The following SCOC variants were observed in gnomAD, a reference collection of about 807,000 sequenced individuals.
The protein encoded by SCOC is short coiled-coil protein, also known as short coiled coil protein.
In SCOC, 7 loss-of-function variants were observed where a neutral mutation model predicts 9.9. The ratio of observed to expected loss-of-function variants is 0.71; its 90% CI spans 0.40 to 1.33. The LOEUF (loss-of-function observed/expected upper bound fraction) is 1.33, where lower values mean the gene tolerates loss of function less well. Among genes scored for constraint, SCOC ranks in the 40% most tolerant of loss-of-function variants. SCOC has a pLI of 0.01. For missense variants in SCOC, 66 were observed against 89.7 expected, an observed-to-expected ratio of 0.74 and a Z score of 1.07; for synonymous variants, 19 against 28.2, an observed-to-expected ratio of 0.67 and a Z score of 1.03.
intron 2 of SCOC, among the ~76,000 whole-genome samples, chr4:140,362,299 C>CTTCTTCTTT (rs367795160): frequency 2.6e-5 from 1 of 38,346 alleles, no homozygotes; most frequent in South Asian, 6.9e-4. Context: ...TCTTCTTCTT[C>CTTCTTCTTT]TTTTTTTTTT....
intron 2 of SCOC, among the ~76,000 whole-genome samples, chr4:140,365,989 T>C (rs991638731): frequency 1.3e-5 from 2 of 152,092 alleles, no homozygotes; most frequent in African/African-American, 4.8e-5. Context: ...GGGTCAACTG[T>C]AGGGTAACAT....
chr4:140,266,009 G>A (rs181182517), intron 1 of SCOC, among the ~76,000 whole-genome samples: 67 of 152,298 alleles, frequency 4.4e-4, no homozygotes, highest in Non-Finnish European at 1.0e-4. Context: ...TGTCTCCCCA[G>A]CTGAACCATG....
intron 2 of SCOC, among the ~76,000 whole-genome samples, chr4:140,344,265 T>A (rs1726622708): frequency 6.6e-6 from 1 of 152,164 alleles, no homozygotes; most frequent in African/African-American, 2.4e-5. Context: ...AGTGCTGAAT[T>A]GCACAATGTT....
chr4:140,344,203 T>C (rs1726618846), intron 2 of SCOC, among the ~76,000 whole-genome samples: 1 of 152,198 alleles, frequency 6.6e-6, no homozygotes, highest in South Asian at 2.1e-4. Context: ...AGTTCTAAAA[T>C]GCTGATGGAA....
At chr4:140,286,610 G>C (rs1731276188) in intron 1 of SCOC, among the ~76,000 whole-genome samples, 1 of 152,258 alleles carries the variant, frequency 6.6e-6, no homozygotes, top group South Asian at 2.1e-4. Flanking sequence ...TTGGAGCCCA[G>C]ACTGGGCGGC....
At chr4:140,326,703 TC>T (rs1732659841) in intron 1 of SCOC, among the ~76,000 whole-genome samples, 3 of 152,182 alleles carry the variant, frequency 2.0e-5, no homozygotes, top group Non-Finnish European at 2.9e-5. Flanking sequence ...AATGCTAAAG[TC>T]TTTTATTATC....
At chr4:140,268,027 T>TTACTTGAC (rs1274806544) in intron 1 of SCOC, among the ~76,000 whole-genome samples, 1 of 152,230 alleles carries the variant, frequency 6.6e-6, no homozygotes, top group Non-Finnish European at 1.5e-5. Flanking sequence ...AGTATGTGGC[T>TTACTTGAC]TACTTGACCC....
intron 1 of SCOC, among the ~76,000 whole-genome samples, chr4:140,314,774 A>G (rs1732262662): frequency 6.6e-6 from 1 of 152,110 alleles, no homozygotes; most frequent in Non-Finnish European, 1.5e-5. Flanking sequence ...GTGGGGAGCA[A>G]TGAGAAGTTG....
At chr4:140,373,390 T>A, upstream of SCOC, 1 of 1,459,964 alleles carries the variant, frequency 6.8e-7, no homozygotes. Flanking sequence ...GCCGCTTAGC[T>A]TCGCTTCTTT....
At chr4:140,357,265 C>T (rs962984069) in intron 2 of SCOC, among the ~76,000 whole-genome samples, 2 of 152,166 alleles carry the variant, frequency 1.3e-5, no homozygotes, top group Non-Finnish European at 2.9e-5. Context: ...TGAGCCACTG[C>T]ACCCAGCCTT....
rs116808652 is a variant in SCOC, at chr4:140,306,611, C to T, written c.-18-37010C>T. Among the ~76,000 whole-genome samples, 567 of 151,976 alleles carry T rather than the reference C, an allele frequency of 3.7e-3. 5 individuals carry two copies. The highest frequency in any genetic ancestry group is 8.4e-3 in the African/African-American group (347 of 41,418). ...GACAACACTGGAGGCCTGGTGTGAC[C>T]ACAGGGGAAATGTGGACACTGCCAG... On this transcript the variant is annotated intron_variant, in intron 1 of 4. Transcript: ENST00000394205.
upstream of SCOC, among the ~76,000 whole-genome samples, chr4:140,369,660 C>A (rs1455603441): frequency 3.3e-5 from 5 of 151,998 alleles, no homozygotes; most frequent in African/African-American, 4.8e-5. Flanking sequence ...TAATATATTG[C>A]CTTGTACAGT....
intron 1 of SCOC, among the ~76,000 whole-genome samples, chr4:140,296,332 AG>A (rs1426446484): frequency 6.6e-6 from 1 of 152,240 alleles, no homozygotes; most frequent in Non-Finnish European, 1.5e-5. Flanking sequence ...GAAGGCAGAA[AG>A]CCTGAAAATA....
At chr4:140,344,521 T>C (rs1238531869) in intron 2 of SCOC, among the ~76,000 whole-genome samples, 1 of 152,184 alleles carries the variant, frequency 6.6e-6, no homozygotes, top group Non-Finnish European at 1.5e-5. Flanking sequence ...AATGCTTAGA[T>C]TCAAAAAGCG....
intron 1 of SCOC, among the ~76,000 whole-genome samples, chr4:140,302,793 C>A (rs530955238): frequency 4.8e-4 from 73 of 152,208 alleles, no homozygotes; most frequent in African/African-American, 1.7e-3. Context: ...GTGTTGTAAG[C>A]CAGTAACAAA....
intron 3 of SCOC, among the ~76,000 whole-genome samples, chr4:140,380,002 A>AT (rs933770259): frequency 2.6e-5 from 4 of 152,054 alleles, no homozygotes; most frequent in African/African-American, 7.2e-5. Flanking sequence ...ATTCATCTGA[A>AT]TTTTTTCATT....
upstream of SCOC, chr4:140,373,203 G>C (rs958431931): frequency 1.0e-6 from 1 of 969,204 alleles, no homozygotes; most frequent in African/African-American, 1.7e-5. Flanking sequence ...GACTTTCTCT[G>C]CTTGGTTCGC....
At chr4:140,292,120 GC>G (rs992115690) in intron 1 of SCOC, among the ~76,000 whole-genome samples, 19 of 150,804 alleles carry the variant, frequency 1.3e-4, no homozygotes, top group Admixed American at 1.1e-3. Context: ...CATCTCTGTT[GC>G]CCCCCATCTT....
chr4:140,365,467 C>G (rs2126566526), intron 2 of SCOC, among the ~76,000 whole-genome samples: 1 of 152,304 alleles, frequency 6.6e-6, no homozygotes, highest in East Asian at 1.9e-4. Context: ...TTGATAAAGG[C>G]ACTGAAACCA....
Sources: gnomAD v4.1 joint callset for allele counts (sites outside exome capture counted in the v4.1 genomes callset) on GRCh38, gnomAD v4.1.1 for gene constraint, MANE v1.5 for transcripts, NCBI Gene and HGNC (gene_info 2026-07-23, HGNC 2026-07-21) for gene names.